SMC6: variants seen among roughly 807,000 people sequenced by gnomAD.
The protein encoded by SMC6 is structural maintenance of chromosomes protein 6.
In SMC6, 79 loss-of-function variants were observed where a neutral mutation model predicts 142.2. The ratio of observed to expected loss-of-function variants is 0.56; its 90% CI spans 0.46 to 0.67. SMC6 has a LOEUF of 0.67. Ranked by LOEUF, SMC6 falls within the 30% of genes least tolerant of loss-of-function variation. The pLI is 0.00. For synonymous variants in SMC6, 411 were observed against 412.4 expected, an observed-to-expected ratio of 1.00 and a Z score of 0.04; for missense variants, 1,072 against 1,284.0, an observed-to-expected ratio of 0.83 and a Z score of 2.52.
At chr2:17,697,261 C>T (rs1002078426) in intron 21 of SMC6, among the ~76,000 whole-genome samples, 14 of 147,282 alleles carry the variant, frequency 9.5e-5, no homozygotes, top group African/African-American at 3.5e-4. Flanking sequence ...GAAAGCATAA[C>T]AATTAGAAAA....
intron 5 of SMC6, 80 bp downstream of exon 5, chr2:17,738,141 T>C: frequency 1.9e-6 from 2 of 1,026,462 alleles, no homozygotes; most frequent in South Asian, 1.4e-5. Flanking sequence ...TTTCCAGTCA[T>C]GTCTATGTGA....
At chr2:17,710,956 G>A (rs1365786158) in intron 16 of SMC6, among the ~76,000 whole-genome samples, 1 of 152,118 alleles carries the variant, frequency 6.6e-6, no homozygotes, top group Non-Finnish European at 1.5e-5. Context: ...GGATAAGAAA[G>A]AATAGGGTAT....
intron 2 of SMC6, among the ~76,000 whole-genome samples, chr2:17,752,120 C>A (rs1218071733): frequency 1.3e-5 from 2 of 152,154 alleles, no homozygotes; most frequent in Admixed American, 1.3e-4. Flanking sequence ...ATTTAAGAAT[C>A]CTGTCAGCTA....
chr2:17,726,087 T>TAAAAAAAA (rs35471536), intron 8 of SMC6, among the ~76,000 whole-genome samples: 662 of 54,952 alleles, frequency 0.012, 54 homozygotes, highest in Non-Finnish European at 0.014. Flanking sequence ...GGCTCTGTCT[T>TAAAAAAAA]AAAAAAAAAA....
intron 21 of SMC6, 105 bp downstream of exon 21, chr2:17,700,103 T>G: frequency 2.9e-6 from 2 of 683,724 alleles, no homozygotes; most frequent in Non-Finnish European, 4.6e-6. Context: ...TTTTATGCTA[T>G]TTACATTTAA....
At chr2:17,719,567 G>A (rs1021706576) in intron 11 of SMC6, among the ~76,000 whole-genome samples, 1 of 152,148 alleles carries the variant, frequency 6.6e-6, no homozygotes, top group East Asian at 1.9e-4. Context: ...CATCTATTAC[G>A]CAGACTGGAT....
chr2:17,682,325 C>T (rs1489835191), intron 24 of SMC6, among the ~76,000 whole-genome samples: 1 of 152,162 alleles, frequency 6.6e-6, no homozygotes, highest in East Asian at 1.9e-4. Flanking sequence ...TTGACTAGAA[C>T]TGCCTGCTAG....
chr2:17,714,506 C>G (rs1668985358), intron 16 of SMC6, among the ~76,000 whole-genome samples: 1 of 152,186 alleles, frequency 6.6e-6, no homozygotes, highest in African/African-American at 2.4e-5. Flanking sequence ...CTGCTCTTCA[C>G]GGATTCTGTG....
intron 23 of SMC6, among the ~76,000 whole-genome samples, chr2:17,692,404 T>C (rs536393541): frequency 1.3e-5 from 2 of 152,292 alleles, no homozygotes; most frequent in South Asian, 4.1e-4. Context: ...TAATGCCGCA[T>C]ATCTACAACT....
chr2:17,682,874 G>A (rs1442389613), intron 24 of SMC6, among the ~76,000 whole-genome samples: 1 of 130,104 alleles, frequency 7.7e-6, no homozygotes, highest in East Asian at 1.9e-4. Context: ...GAATATAAGA[G>A]CTAGGTACCT....
At chr2:17,748,701 G>A (rs918308068) in intron 2 of SMC6, among the ~76,000 whole-genome samples, 3 of 152,092 alleles carry the variant, frequency 2.0e-5, no homozygotes, top group Admixed American at 6.5e-5. Context: ...CTCAGTTACT[G>A]AGCAGTAATT....
At chr2:17,736,534 A>G (rs1398490104) in intron 5 of SMC6, among the ~76,000 whole-genome samples, 1 of 152,146 alleles carries the variant, frequency 6.6e-6, no homozygotes, top group African/African-American at 2.4e-5. Flanking sequence ...TATCTGGCCA[A>G]GTAGACTGGG....
At chr2:17,706,218 T>G (rs1668498244) in intron 18 of SMC6, among the ~76,000 whole-genome samples, 1 of 152,128 alleles carries the variant, frequency 6.6e-6, no homozygotes, top group Non-Finnish European at 1.5e-5. Context: ...ATTCAAAAAT[T>G]CACAGGTAAT....
chr2:17,666,812 G>A (rs1666516893), intron 26 of SMC6, among the ~76,000 whole-genome samples: 2 of 114,246 alleles, frequency 1.8e-5, no homozygotes, highest in South Asian at 8.2e-4. Context: ...GCGAGACCCT[G>A]TCTCTACCAA....
At chr2:17,708,794 T>G (rs1460677793) in intron 16 of SMC6, 41 bp from the exon 17 acceptor site, 7 of 869,636 alleles carry the variant, frequency 8.0e-6, no homozygotes, top group Non-Finnish European at 8.2e-6. Context: ...TAGCAAATTT[T>G]AATTATAAAT....
intron 25 of SMC6, among the ~76,000 whole-genome samples, chr2:17,674,743 A>T (rs192142846): frequency 1.6e-4 from 25 of 152,266 alleles, no homozygotes; most frequent in East Asian, 3.9e-4. Context: ...AAAATTTTTT[A>T]AAATAACTTT....
chr2:17,707,143 A>G, intron 18 of SMC6, 76 bp downstream of exon 18: 1 of 1,213,070 alleles, frequency 8.2e-7, no homozygotes, highest in Non-Finnish European at 1.1e-6. Flanking sequence ...ACAACCACTA[A>G]AAGAGTAATA....
At position 17,665,115 on chromosome 2, in the gene SMC6, C is replaced by T. The variant is rs1666435342; in HGVS notation, c.*384G>A. ...GAATGTAATATCTGGAAAAGCAAAA[C>T]TAAATATAATCAGGTGCTCAAACTT... On this transcript the variant is annotated 3_prime_UTR_variant, in exon 28 of 28. Coordinates refer to ENST00000448223, the MANE Select transcript of SMC6 (RefSeq NM_001142286.2). 1 of 153,618 alleles carries T rather than the reference C, an allele frequency of 6.5e-6. No individual in the cohort carries two copies. The highest frequency in any genetic ancestry group is 1.5e-5 in the Non-Finnish European group (1 of 68,858). The allele number at this position is 153,618 out of a possible 1,614,324, so 9.5% of individuals were successfully genotyped here.
In SMC6 at chr2:17,695,133, A is replaced by G. The variant is rs754979797; in HGVS notation, c.2678+19T>C. ...TGCATGAATAATGTGGTAAAGCAGA[A>G]AAGCTACCAGCTACTTACCTCATTA... On this transcript the variant is annotated intron_variant, in intron 23 of 27. Coordinates refer to ENST00000448223, the MANE Select transcript of SMC6 (RefSeq NM_001142286.2). 1.9e-6 allele frequency: 3 copies of G among 1,611,292 alleles called. No homozygotes were observed. Among genetic ancestry groups the G allele is most frequent in the African/African-American group, 1.3e-5 (1 of 74,824 alleles).
Sources: allele counts gnomAD v4.1 joint callset (sites outside exome capture counted in the v4.1 genomes callset), GRCh38; gene constraint gnomAD v4.1.1; transcripts MANE v1.5; gene names NCBI Gene and HGNC (gene_info 2026-07-23, HGNC 2026-07-21).